Variants in TET2 observed in about 807,000 individuals in gnomAD.
TET2 encodes methylcytosine dioxygenase TET2.
A neutral mutation model predicts 142.9 loss-of-function variants in TET2; 299 were observed. That is an observed-to-expected ratio of 2.09 (90% CI 1.90 to 2.30). The LOEUF (loss-of-function observed/expected upper bound fraction) is 2.30, where lower values mean the gene tolerates loss of function less well. Among genes scored for constraint, TET2 ranks in the 30% most tolerant of loss-of-function variants. The pLI, the probability that TET2 is intolerant of heterozygous loss-of-function variation, is 0.00. For missense variants in TET2, 2,418 were observed against 2,378.0 expected (o/e 1.02, Z -0.35); for synonymous variants, 819 against 849.0 (o/e 0.96, Z 0.61).
chr4:105,267,521 CTG>C (rs1022532632), intron 8 of TET2, among the ~76,000 whole-genome samples: 9 of 139,692 alleles, frequency 6.4e-5, no homozygotes, highest in African/African-American at 1.4e-4. Flanking sequence ...TTAGAGTACA[CTG>C]TGTACCTTAA....
intron 1 of TET2, among the ~76,000 whole-genome samples, chr4:105,173,569 G>A (rs1209495933): frequency 6.6e-6 from 1 of 151,854 alleles, no homozygotes; most frequent in African/African-American, 2.4e-5. Context: ...CTAAAAAACT[G>A]CAGAGAAGAA....
chr4:105,195,159 AT>A (rs1726010039), intron 2 of TET2, among the ~76,000 whole-genome samples: 2 of 152,174 alleles, frequency 1.3e-5, no homozygotes, highest in African/African-American at 4.8e-5. Flanking sequence ...CATTTTCACT[AT>A]TCTTGTGTTT....
chr4:105,182,609 A>G (rs1406466577), intron 1 of TET2, among the ~76,000 whole-genome samples: 1 of 152,238 alleles, frequency 6.6e-6, no homozygotes, highest in Non-Finnish European at 1.5e-5. Context: ...ATACGTTTTG[A>G]AATCTTTAAA....
At chr4:105,225,770 T>C (rs1333301250) in intron 2 of TET2, among the ~76,000 whole-genome samples, 1 of 151,984 alleles carries the variant, frequency 6.6e-6, no homozygotes, top group Non-Finnish European at 1.5e-5. Context: ...ACTGAAAAAA[T>C]AAATGAACTA....
At chr4:105,148,814 G>A (rs573651999) in intron 1 of TET2, among the ~76,000 whole-genome samples, 234 of 152,236 alleles carry the variant, frequency 1.5e-3, no homozygotes, top group Middle Eastern at 0.01. Flanking sequence ...CAATTTATAG[G>A]ATTAAAAAAT....
intron 3 of TET2, chr4:105,238,294 G>T (rs551250757): frequency 4.3e-4 from 104 of 239,092 alleles, no homozygotes; most frequent in Non-Finnish European, 7.7e-4. Flanking sequence ...TGCTGGGATG[G>T]CTGTGTGTGT....
At chr4:105,191,435 C>T (rs534406337) in intron 2 of TET2, among the ~76,000 whole-genome samples, 4 of 151,992 alleles carry the variant, frequency 2.6e-5, no homozygotes, top group Admixed American at 2.6e-4. Context: ...TTTGCCTGAA[C>T]TATATAAGAC....
chr4:105,198,928 C>T (rs1316503472), intron 2 of TET2, among the ~76,000 whole-genome samples: 1 of 152,124 alleles, frequency 6.6e-6, no homozygotes, highest in Non-Finnish European at 1.5e-5. Flanking sequence ...ACTTGCAGAA[C>T]ATTTGATACT....
chr4:105,241,041 A>G, intron 3 of TET2: 1 of 1,066,256 alleles, frequency 9.4e-7, no homozygotes, highest in East Asian at 4.7e-5. Context: ...CATATAATAC[A>G]TTCTAATTCC....
chr4:105,179,113 C>T (rs1305224803), intron 1 of TET2, among the ~76,000 whole-genome samples: 1 of 152,176 alleles, frequency 6.6e-6, no homozygotes, highest in Non-Finnish European at 1.5e-5. Context: ...CAATTACTTC[C>T]ACCTGGTCTC....
chr4:105,163,850 A>AGTGTGT (rs1414292126), intron 1 of TET2, among the ~76,000 whole-genome samples: 8 of 109,636 alleles, frequency 7.3e-5, no homozygotes, highest in Non-Finnish European at 1.2e-4. Context: ...AGAGAGAGAG[A>AGTGTGT]GAGAGTGTGT....
rs199878281 is a variant in TET2, at chr4:105,234,250, T to C, written c.308T>C (p.Leu103Pro). 10 of 1,614,084 alleles carry C rather than the reference T, an allele frequency of 6.2e-6. No homozygotes were observed. In the East Asian group the frequency reaches 1.8e-4, roughly 29 times the overall value. Residue 103 changes from leucine (L) to proline (P), a missense_variant, in exon 3 of 11, where the codon CTC (leucine) becomes CCC (proline). Coordinates refer to ENST00000380013, the MANE Select transcript of TET2 (RefSeq NM_001127208.3). The part of the protein sequence containing the change: ...GIKRTVSEPS[L>P]SGLLQIKKLK... Reference sequence around the variant, plus strand: ...AAACGCACAGTTAGTGAACCTTCTCTCTCTGGGCTCCTTCAGATCAAGAAA... The same window carrying C: ...AAACGCACAGTTAGTGAACCTTCTCCCTCTGGGCTCCTTCAGATCAAGAAA...
At chr4:105,222,791 G>A (rs9884984) in intron 2 of TET2, among the ~76,000 whole-genome samples, 90,366 of 150,832 alleles carry the variant, frequency 0.6, 27,611 homozygotes, top group African/African-American at 0.66. Context: ...GTCCTTGCCC[G>A]TGCCTATGTC....
At chr4:105,241,077 A>G in intron 3 of TET2, 1 of 1,093,538 alleles carries the variant, frequency 9.1e-7, no homozygotes, top group Non-Finnish European at 1.1e-6. Context: ...GTTTAGTTTC[A>G]TTTATTTGGT....
chr4:105,273,219 G>A (rs986749563), intron 10 of TET2, among the ~76,000 whole-genome samples: 2 of 152,154 alleles, frequency 1.3e-5, no homozygotes, highest in Non-Finnish European at 2.9e-5. Flanking sequence ...GTTAATTTTG[G>A]AAAGTTATAT....
chr4:105,190,530 CTT>C, intron 2 of TET2, 25 bp downstream of exon 2: 1 of 696,620 alleles, frequency 1.4e-6, no homozygotes, highest in South Asian at 1.5e-5. Flanking sequence ...ACAGTTGACA[CTT>C]GTTTGTCAAG....
intron 2 of TET2, among the ~76,000 whole-genome samples, chr4:105,217,399 A>T (rs1389906516): frequency 2.0e-5 from 3 of 152,024 alleles, no homozygotes. Flanking sequence ...TTATGAATTT[A>T]TACTCTCCTA....
At chr4:105,173,561 A>G (rs917569175) in intron 1 of TET2, among the ~76,000 whole-genome samples, 4 of 152,042 alleles carry the variant, frequency 2.6e-5, no homozygotes, top group Non-Finnish European at 5.9e-5. Flanking sequence ...CAATCTTACT[A>G]AAAAACTGCA....
intron 3 of TET2, chr4:105,239,402 G>C (rs902283131): frequency 2.2e-4 from 53 of 240,440 alleles, no homozygotes; most frequent in African/African-American, 1.2e-3. Context: ...CTTCATCAGT[G>C]ATCTTAGCTA....
Sources: allele counts gnomAD v4.1 joint callset (sites outside exome capture counted in the v4.1 genomes callset), GRCh38; gene constraint gnomAD v4.1.1; transcripts MANE v1.5; gene names NCBI Gene and HGNC (gene_info 2026-07-23, HGNC 2026-07-21).